RAB38: variants seen among roughly 807,000 people sequenced by gnomAD.
RAB38 encodes the protein RAB38, member RAS oncogene family.
In RAB38, 15 loss-of-function variants were observed where a neutral mutation model predicts 18.4. The observed-to-expected ratio is 0.82, with a 90% CI of 0.55 to 1.26. The LOEUF (loss-of-function observed/expected upper bound fraction) is 1.26, where lower values mean the gene tolerates loss of function less well. RAB38 is among the 50% of genes most tolerant of loss of function. The pLI, the probability that RAB38 is intolerant of heterozygous loss-of-function variation, is 0.00. For missense variants in RAB38, 294 were observed against 267.4 expected (o/e 1.10, Z -0.69); for synonymous variants, 101 against 104.4 (o/e 0.97, Z 0.20).
At chr11:87,840,992 A>G in the RAB38 span, among the ~76,000 whole-genome samples, 3 of 152,252 alleles carry the variant, frequency 2.0e-5, no homozygotes, top group Non-Finnish European at 4.4e-5. Context: ...TCAAATCCAA[A>G]TTCCATCATT....
the RAB38 span, among the ~76,000 whole-genome samples, chr11:88,030,571 C>A: frequency 6.6e-5 from 10 of 152,154 alleles, 1 homozygote; most frequent in South Asian, 1.2e-3. Context: ...CACAGAAATA[C>A]AAACTACCAT....
intron 2 of RAB38, among the ~76,000 whole-genome samples, chr11:88,134,450 C>T (rs544187023): frequency 6.6e-6 from 1 of 152,220 alleles, no homozygotes; most frequent in African/African-American, 2.4e-5. Flanking sequence ...CCATGTTGGC[C>T]AGGCTGGTCG....
chr11:87,813,899 G>C, the RAB38 span, among the ~76,000 whole-genome samples: 33 of 152,104 alleles, frequency 2.2e-4, no homozygotes, highest in Non-Finnish European at 1.0e-4. Flanking sequence ...GTTTCCCGTG[G>C]GGGTGTGGTT....
chr11:87,905,875 AG>A, the RAB38 span, among the ~76,000 whole-genome samples: 7 of 151,948 alleles, frequency 4.6e-5, no homozygotes, highest in African/African-American at 1.7e-4. Flanking sequence ...TAGATTCTGT[AG>A]TACTCTGACT....
At chr11:87,971,823 C>T in the RAB38 span, among the ~76,000 whole-genome samples, 2 of 152,044 alleles carry the variant, frequency 1.3e-5, no homozygotes, top group South Asian at 4.1e-4. Context: ...TTTCACTCTA[C>T]TCTAAAACAA....
At chr11:88,012,894 CA>C in the RAB38 span, among the ~76,000 whole-genome samples, 1 of 152,090 alleles carries the variant, frequency 6.6e-6, no homozygotes, top group Non-Finnish European at 1.5e-5. Flanking sequence ...TCTTACTCAG[CA>C]TACACAATTT....
chr11:87,966,903 A>G, the RAB38 span, among the ~76,000 whole-genome samples: 3 of 152,320 alleles, frequency 2.0e-5, no homozygotes, highest in African/African-American at 2.4e-5. Context: ...AGAGAGGCTT[A>G]TAAGAGCTTC....
the RAB38 span, among the ~76,000 whole-genome samples, chr11:87,972,592 C>A: frequency 6.6e-6 from 1 of 152,020 alleles, no homozygotes; most frequent in Admixed American, 6.6e-5. Context: ...CTACTGACCT[C>A]TGGAAGTTCA....
chr11:88,038,620 CA>C, the RAB38 span, among the ~76,000 whole-genome samples: 1 of 152,088 alleles, frequency 6.6e-6, no homozygotes, highest in South Asian at 2.1e-4. Context: ...ATAGAACACA[CA>C]ACTTTACCTC....
the RAB38 span, among the ~76,000 whole-genome samples, chr11:87,969,610 A>G: frequency 2.6e-5 from 4 of 152,294 alleles, no homozygotes; most frequent in East Asian, 7.7e-4. Flanking sequence ...AAATAATGCA[A>G]CGTGAAGATC....
chr11:88,058,033 A>G, the RAB38 span, among the ~76,000 whole-genome samples: 16 of 152,208 alleles, frequency 1.1e-4, no homozygotes, highest in Non-Finnish European at 2.2e-4. Context: ...TATTTTTGAC[A>G]GCCAAAACAA....
chr11:87,901,562 T>C, the RAB38 span, among the ~76,000 whole-genome samples: 2 of 151,628 alleles, frequency 1.3e-5, no homozygotes, highest in African/African-American at 4.8e-5. Flanking sequence ...CTAAGGCTGC[T>C]AAAGCATTCA....
the RAB38 span, among the ~76,000 whole-genome samples, chr11:88,068,092 C>T: frequency 2.0e-5 from 3 of 151,442 alleles, no homozygotes; most frequent in African/African-American, 7.3e-5. Context: ...CAAAACACTC[C>T]TCGAAAAGAC....
chr11:88,028,262 A>T, the RAB38 span, among the ~76,000 whole-genome samples: 2,587 of 152,268 alleles, frequency 0.017, 73 homozygotes, highest in African/African-American at 0.059. Flanking sequence ...AAGTAGATAA[A>T]ACCACAAAGA....
chr11:87,910,493 T>C, the RAB38 span, among the ~76,000 whole-genome samples: 7 of 152,136 alleles, frequency 4.6e-5, no homozygotes, highest in Non-Finnish European at 7.4e-5. Context: ...CATTCTTTTA[T>C]GAATTCTGCT....
chr11:88,080,494 G>A, the RAB38 span, among the ~76,000 whole-genome samples: 125 of 151,898 alleles, frequency 8.2e-4, no homozygotes, highest in African/African-American at 2.8e-3. Flanking sequence ...TGGATCTGAT[G>A]CAAGCCGAAT....
chr11:88,141,132 A>G (rs1265525396), intron 2 of RAB38, among the ~76,000 whole-genome samples: 1 of 152,122 alleles, frequency 6.6e-6, no homozygotes, highest in Admixed American at 6.5e-5. Flanking sequence ...CTTTTTTCTC[A>G]GATAGAATCA....
the RAB38 span, among the ~76,000 whole-genome samples, chr11:87,945,893 GTGGCAGGCACTA>G: frequency 7.9e-5 from 12 of 152,124 alleles, no homozygotes; most frequent in Non-Finnish European, 1.5e-4. Flanking sequence ...AATCTTTGAT[GTGGCAGGCACTA>G]TGACAGGCTC....
the RAB38 span, among the ~76,000 whole-genome samples, chr11:87,847,688 A>G: frequency 1.3e-5 from 2 of 152,062 alleles, no homozygotes; most frequent in Non-Finnish European, 2.9e-5. Flanking sequence ...ACTCATGCAC[A>G]GGATGCTTTG....
Sources: gnomAD v4.1 joint callset for allele counts (sites outside exome capture counted in the v4.1 genomes callset) on GRCh38, gnomAD v4.1.1 for gene constraint, MANE v1.5 for transcripts, NCBI Gene and HGNC (gene_info 2026-07-23, HGNC 2026-07-21) for gene names.